The following AMN1 variants were observed in gnomAD, a reference collection of about 807,000 sequenced individuals.
The protein encoded by AMN1 is protein AMN1 homolog.
Under a neutral mutation model 33.0 loss-of-function variants are expected in AMN1, and 20 were observed. The ratio of observed to expected loss-of-function variants is 0.61; its 90% CI spans 0.43 to 0.88. The LOEUF is 0.88. Among genes scored for constraint, AMN1 ranks in the 40% least tolerant of loss-of-function variants. The pLI is 0.00. For missense variants in AMN1, 246 were observed against 307.4 expected (o/e 0.80, Z 1.49); for synonymous variants, 114 against 111.9 (o/e 1.02, Z -0.12).
intron 2 of AMN1, among the ~76,000 whole-genome samples, chr12:31,707,014 G>A (rs201278513): frequency 4.1e-4 from 10 of 24,286 alleles, no homozygotes; most frequent in Non-Finnish European, 6.6e-4. Context: ...AAGATAAAAC[G>A]AAACCATAAA....
chr12:31,680,918 C>T (rs1307346993), intron 6 of AMN1, among the ~76,000 whole-genome samples: 1 of 152,086 alleles, frequency 6.6e-6, no homozygotes, highest in African/African-American at 2.4e-5. Flanking sequence ...AAACAAAAAA[C>T]CCCCACAAAC....
intron 6 of AMN1, among the ~76,000 whole-genome samples, chr12:31,686,532 TAAGTCGAAAATACACA>T (rs1244838920): frequency 6.6e-6 from 1 of 152,180 alleles, no homozygotes; most frequent in African/African-American, 2.4e-5. Flanking sequence ...GACAAACTCA[TAAGTCGAAAATACACA>T]AAGTCGAAAA....
chr12:31,693,351 T>C (rs1013232165), intron 5 of AMN1, among the ~76,000 whole-genome samples: 1 of 151,900 alleles, frequency 6.6e-6, no homozygotes, highest in African/African-American at 2.4e-5. Context: ...CTCAGCCTCC[T>C]GAGTAGCTGG....
intron 3 of AMN1, among the ~76,000 whole-genome samples, chr12:31,698,325 G>A (rs1938829498): frequency 6.6e-6 from 1 of 152,182 alleles, no homozygotes; most frequent in African/African-American, 2.4e-5. Context: ...CTTTTCTAGT[G>A]GACTTTGGAG....
At chr12:31,729,116 C>T (rs1203381949), upstream of AMN1, 8 of 1,278,244 alleles carry the variant, frequency 6.3e-6, no homozygotes, top group Non-Finnish European at 8.5e-6. Context: ...TTTGTGACGT[C>T]ACACGGATTT....
intron 1 of AMN1, among the ~76,000 whole-genome samples, chr12:31,710,070 T>A (rs1384257414): frequency 6.6e-6 from 1 of 152,200 alleles, no homozygotes; most frequent in Non-Finnish European, 1.5e-5. Context: ...AATTGAAAAG[T>A]TTTATCTGTT....
At chr12:31,692,328 G>A (rs187659852) in intron 5 of AMN1, among the ~76,000 whole-genome samples, 1 of 151,620 alleles carries the variant, frequency 6.6e-6, no homozygotes. Flanking sequence ...GTGGTGGTGT[G>A]CACCTGTAGT....
rs1951288265 is a variant in AMN1, at chr12:31,672,249, C to T, written c.*55G>A. On this transcript the variant is annotated 3_prime_UTR_variant, in exon 7 of 7. Transcript: ENST00000281471. Reference sequence around the variant, plus strand: ...GAATGCAAATCTCTATAGATGGTTTCCTGGGAAAGTAGTTTTGATAAGCTT... The same window carrying T: ...GAATGCAAATCTCTATAGATGGTTTTCTGGGAAAGTAGTTTTGATAAGCTT... The T allele has an allele frequency of 8.3e-7, 1 of 1,210,620 alleles. No homozygotes were observed. Among genetic ancestry groups the T allele is most frequent in the Non-Finnish European group, 1.2e-6 (1 of 838,778 alleles). 75.0% of individuals were successfully genotyped at this position (1,210,620 alleles called of 1,614,324 possible). A position where few individuals can be genotyped will look rare whatever the true frequency, so the allele number is the denominator to read the frequency against.
At chr12:31,691,745 G>T (rs1398555759) in intron 5 of AMN1, among the ~76,000 whole-genome samples, 1 of 151,400 alleles carries the variant, frequency 6.6e-6, no homozygotes, top group East Asian at 1.9e-4. Context: ...TCCACAGGAA[G>T]AAAAAAAAGA....
intron 6 of AMN1, among the ~76,000 whole-genome samples, chr12:31,686,977 C>G (rs76257101): frequency 0.018 from 2,745 of 152,178 alleles, 73 homozygotes; most frequent in African/African-American, 0.062. Flanking sequence ...ACTTTCTGTG[C>G]AGCTAACCCC....
At position 31,706,205 on chromosome 12, in the gene AMN1, A is replaced by C. The variant is rs111563071; in HGVS notation, c.171+3088T>G. The stretch of plus-strand genomic sequence containing the variant: ...CGGGCGCCTGTAGTCCCAGCTACTC[A>C]GGAGGCTGAGGCAGGAGAATGGCGT... On this transcript the variant is annotated intron_variant, in intron 2 of 6. Coordinates refer to ENST00000281471, the MANE Select transcript of AMN1 (RefSeq NM_001113402.2). Among the ~76,000 whole-genome samples, 3 of 149,414 alleles carry C rather than the reference A, an allele frequency of 2.0e-5. No homozygotes were observed. The South Asian group carries it at 6.4e-4, about 32-fold the overall frequency.
At chr12:31,675,500 C>CTT (rs766169147) in intron 6 of AMN1, among the ~76,000 whole-genome samples, 12 of 143,424 alleles carry the variant, frequency 8.4e-5, no homozygotes, top group African/African-American at 2.1e-4. Context: ...GATATCCACA[C>CTT]TTTTTTTTTT....
chr12:31,694,595 A>G (rs1211305197), intron 5 of AMN1, among the ~76,000 whole-genome samples: 1 of 151,998 alleles, frequency 6.6e-6, no homozygotes, highest in African/African-American at 2.4e-5. Flanking sequence ...AAAAATAAAA[A>G]AGTAGCCAGG....
chr12:31,692,477 A>G (rs977031842), intron 5 of AMN1, among the ~76,000 whole-genome samples: 43 of 151,912 alleles, frequency 2.8e-4, no homozygotes, highest in African/African-American at 1.0e-3. Flanking sequence ...ACGAAAAAAA[A>G]CATATTAAAT....
chr12:31,719,284 T>G (rs751410149), intron 1 of AMN1: 3 of 849,652 alleles, frequency 3.5e-6, no homozygotes, highest in Non-Finnish European at 4.2e-6. Flanking sequence ...AGACTGGAGC[T>G]GTTCCCATTT....
chr12:31,707,281 T>C (rs1256929233), intron 2 of AMN1, among the ~76,000 whole-genome samples: 6 of 152,222 alleles, frequency 3.9e-5, no homozygotes, highest in Non-Finnish European at 2.9e-5. Context: ...ATGTAACGTA[T>C]ATTTCTTATT....
chr12:31,726,090 A>G (rs73303871), intron 1 of AMN1, among the ~76,000 whole-genome samples: 2,099 of 152,182 alleles, frequency 0.014, 55 homozygotes, highest in African/African-American at 0.048. Flanking sequence ...TCCCCGTAAG[A>G]CACTTCTTCC....
intron 6 of AMN1, among the ~76,000 whole-genome samples, chr12:31,684,472 AT>A (rs199644601): frequency 3.6e-3 from 517 of 142,360 alleles, no homozygotes; most frequent in Middle Eastern, 0.015. Context: ...ATCCTCAGTG[AT>A]TTTTTTTTTT....
intron 6 of AMN1, among the ~76,000 whole-genome samples, chr12:31,678,035 T>C (rs78507679): frequency 6.6e-6 from 1 of 152,182 alleles, no homozygotes; most frequent in Non-Finnish European, 1.5e-5. Context: ...CCACTCTTAC[T>C]ATTAGTTCAT....
Sources: allele counts gnomAD v4.1 joint callset (sites outside exome capture counted in the v4.1 genomes callset), GRCh38; gene constraint gnomAD v4.1.1; transcripts MANE v1.5; gene names NCBI Gene and HGNC (gene_info 2026-07-23, HGNC 2026-07-21).